ASIC2: variants seen among roughly 807,000 people sequenced by gnomAD.
ASIC2 encodes acid sensing ion channel subunit 2.
In ASIC2, 25 loss-of-function variants were observed where a neutral mutation model predicts 57.3. The observed-to-expected ratio is 0.44, with a 90% CI of 0.32 to 0.61. The LOEUF (loss-of-function observed/expected upper bound fraction) is 0.61, where lower values mean the gene tolerates loss of function less well. Among genes scored for constraint, ASIC2 ranks in the 20% least tolerant of loss-of-function variants. The pLI is 0.06. For synonymous variants in ASIC2, 319 were observed against 307.5 expected (o/e 1.04, Z -0.39); for missense variants, 641 against 738.1 (o/e 0.87, Z 1.52).
At chr17:33,548,528 T>C (rs887147541) in intron 1 of ASIC2, among the ~76,000 whole-genome samples, 1 of 152,196 alleles carries the variant, frequency 6.6e-6, no homozygotes, top group African/African-American at 2.4e-5. Flanking sequence ...TATTGCACAC[T>C]GGCCATGCAT....
chr17:33,998,172 T>C (rs897557032), intron 1 of ASIC2, among the ~76,000 whole-genome samples: 4 of 152,278 alleles, frequency 2.6e-5, no homozygotes, highest in African/African-American at 7.2e-5. Flanking sequence ...TCTAATTCAT[T>C]GGCATGTAAT....
At chr17:33,362,601 G>A (rs1359392643) in intron 1 of ASIC2, among the ~76,000 whole-genome samples, 1 of 152,176 alleles carries the variant, frequency 6.6e-6, no homozygotes, top group Admixed American at 6.5e-5. Context: ...CTCTTGAAAC[G>A]GTGGTGACAA....
chr17:33,178,285 A>C (rs1226659975), intron 1 of ASIC2, among the ~76,000 whole-genome samples: 1 of 152,200 alleles, frequency 6.6e-6, no homozygotes, highest in East Asian at 1.9e-4. Flanking sequence ...CTGTCAATTA[A>C]AAATTTTAAA....
intron 1 of ASIC2, among the ~76,000 whole-genome samples, chr17:33,153,445 G>A (rs1478249336): frequency 1.3e-5 from 2 of 152,168 alleles, no homozygotes; most frequent in South Asian, 2.1e-4. Flanking sequence ...GGGAAATCTA[G>A]GGAAGTGCTT....
intron 1 of ASIC2, among the ~76,000 whole-genome samples, chr17:33,818,105 T>C (rs1912640686): frequency 6.6e-6 from 1 of 152,106 alleles, no homozygotes; most frequent in Non-Finnish European, 1.5e-5. Context: ...AGCGCAGCCA[T>C]AAAGATCCTC....
intron 1 of ASIC2, among the ~76,000 whole-genome samples, chr17:33,496,603 G>GTTTTTTT (rs61267122): frequency 7.0e-5 from 5 of 70,996 alleles, no homozygotes; most frequent in African/African-American, 1.9e-4. Context: ...GTTATTGTAG[G>GTTTTTTT]TTTTTTTTTT....
chr17:33,979,435 C>T (rs910491834), intron 1 of ASIC2, among the ~76,000 whole-genome samples: 1 of 152,096 alleles, frequency 6.6e-6, no homozygotes, highest in Non-Finnish European at 1.5e-5. Flanking sequence ...GTGGCTCTCC[C>T]GGAGCCTGGT....
intron 1 of ASIC2, among the ~76,000 whole-genome samples, chr17:33,534,794 A>G (rs1915171672): frequency 6.6e-6 from 1 of 152,204 alleles, no homozygotes; most frequent in East Asian, 1.9e-4. Flanking sequence ...ATCCCTTTCA[A>G]AGTGCTCTTA....
chr17:33,395,073 C>A (rs1410554295), intron 1 of ASIC2, among the ~76,000 whole-genome samples: 2 of 151,346 alleles, frequency 1.3e-5, no homozygotes, highest in Admixed American at 6.6e-5. Flanking sequence ...TCCACTCATC[C>A]ATCATTTATA....
chr17:33,247,517 T>C (rs1446692894), intron 1 of ASIC2, among the ~76,000 whole-genome samples: 1 of 152,204 alleles, frequency 6.6e-6, no homozygotes, highest in Non-Finnish European at 1.5e-5. Context: ...CGTCTCTAGT[T>C]TTGAACCTAC....
chr17:33,455,366 C>T (rs561230886), intron 1 of ASIC2, among the ~76,000 whole-genome samples: 8 of 152,250 alleles, frequency 5.3e-5, no homozygotes, highest in African/African-American at 1.2e-4. Context: ...CCAGTAGTCC[C>T]GTGTCTATTG....
At chr17:33,667,094 C>T (rs1177852886) in intron 1 of ASIC2, among the ~76,000 whole-genome samples, 4 of 152,222 alleles carry the variant, frequency 2.6e-5, no homozygotes, top group South Asian at 2.1e-4. Flanking sequence ...CAGCATAAAG[C>T]GGGTGAGATG....
At chr17:33,473,204 G>A (rs1305584668) in intron 1 of ASIC2, among the ~76,000 whole-genome samples, 2 of 152,236 alleles carry the variant, frequency 1.3e-5, no homozygotes, top group Non-Finnish European at 2.9e-5. Context: ...ACTGGCATGG[G>A]GGACTATGGC....
At chr17:33,965,031 A>T (rs1250317285) in intron 1 of ASIC2, among the ~76,000 whole-genome samples, 2 of 152,226 alleles carry the variant, frequency 1.3e-5, no homozygotes, top group African/African-American at 2.4e-5. Context: ...AGAGCCTCTG[A>T]ATCCCACTTT....
chr17:33,019,378 G>T (rs2091824495), intron 7 of ASIC2, among the ~76,000 whole-genome samples: 1 of 151,846 alleles, frequency 6.6e-6, no homozygotes, highest in African/African-American at 2.4e-5. Context: ...TGTATATGGG[G>T]GTGTGTGGGG....
intron 1 of ASIC2, among the ~76,000 whole-genome samples, chr17:33,516,580 A>G (rs1421868012): frequency 1.3e-5 from 2 of 152,200 alleles, no homozygotes; most frequent in Admixed American, 6.5e-5. Flanking sequence ...GACCCTGGAC[A>G]TTGGGAATTT....
At chr17:33,355,957 G>C (rs572934241) in intron 1 of ASIC2, among the ~76,000 whole-genome samples, 2 of 152,292 alleles carry the variant, frequency 1.3e-5, no homozygotes, top group Non-Finnish European at 2.9e-5. Flanking sequence ...AACGAACCTA[G>C]ACCTGGAGCT....
intron 1 of ASIC2, among the ~76,000 whole-genome samples, chr17:34,031,381 C>T (rs1350726164): frequency 2.6e-5 from 4 of 152,010 alleles, no homozygotes; most frequent in African/African-American, 7.3e-5. Flanking sequence ...TCATCAAAGA[C>T]CAAAGGTAGA....
intron 1 of ASIC2, among the ~76,000 whole-genome samples, chr17:34,146,142 G>C (rs1041586398): frequency 3.9e-5 from 6 of 152,200 alleles, no homozygotes; most frequent in Non-Finnish European, 7.4e-5. Flanking sequence ...GAACAAACCA[G>C]CTGTGCTTAG....
Sources: gnomAD v4.1 joint callset for allele counts (sites outside exome capture counted in the v4.1 genomes callset) on GRCh38, gnomAD v4.1.1 for gene constraint, MANE v1.5 for transcripts, NCBI Gene and HGNC (gene_info 2026-07-23, HGNC 2026-07-21) for gene names.